CSNK1G1: variants seen among roughly 807,000 people sequenced by gnomAD.
The protein encoded by CSNK1G1 is casein kinase I isoform gamma-1.
A neutral mutation model predicts 59.6 loss-of-function variants in CSNK1G1; 22 were observed. The observed-to-expected ratio is 0.37, with a 90% CI of 0.26 to 0.53. The LOEUF (loss-of-function observed/expected upper bound fraction) is 0.53, where lower values mean the gene tolerates loss of function less well. Ranked by LOEUF, CSNK1G1 falls within the 20% of genes least tolerant of loss-of-function variation. CSNK1G1 has a pLI of 0.89. For synonymous variants in CSNK1G1, 179 were observed against 177.1 expected, an observed-to-expected ratio of 1.01 and a Z score of -0.08; for missense variants, 384 against 519.5, an observed-to-expected ratio of 0.74 and a Z score of 2.54.
chr15:64,278,815 T>C (rs959857537), intron 2 of CSNK1G1, among the ~76,000 whole-genome samples: 7 of 152,224 alleles, frequency 4.6e-5, no homozygotes. Context: ...TAGATCCCAC[T>C]GATGCAACTA....
At chr15:64,274,617 GT>G (rs1893506830) in intron 2 of CSNK1G1, among the ~76,000 whole-genome samples, 2 of 152,174 alleles carry the variant, frequency 1.3e-5, no homozygotes, top group African/African-American at 4.8e-5. Flanking sequence ...TTACACAGTA[GT>G]TTTTGGAGCT....
chr15:64,348,660 A>G (rs1898107551), intron 1 of CSNK1G1, among the ~76,000 whole-genome samples: 1 of 152,154 alleles, frequency 6.6e-6, no homozygotes, highest in African/African-American at 2.4e-5. Context: ...AGTGACCTCT[A>G]GGAAATGGAA....
chr15:64,257,290 G>A (rs549056175), intron 3 of CSNK1G1, among the ~76,000 whole-genome samples: 1 of 152,162 alleles, frequency 6.6e-6, no homozygotes, highest in Admixed American at 6.6e-5. Flanking sequence ...GGTATAACCT[G>A]GCAGAAGAAA....
chr15:64,305,992 T>C (rs1895667089), intron 1 of CSNK1G1, among the ~76,000 whole-genome samples: 1 of 152,022 alleles, frequency 6.6e-6, no homozygotes, highest in African/African-American at 2.4e-5. Flanking sequence ...AAAAATAAAA[T>C]CAAAATGGAT....
At chr15:64,285,306 C>T (rs1894349352) in intron 2 of CSNK1G1, among the ~76,000 whole-genome samples, 1 of 152,030 alleles carries the variant, frequency 6.6e-6, no homozygotes, top group Non-Finnish European at 1.5e-5. Context: ...TATCAAGGTA[C>T]ACACATACCT....
chr15:64,202,598 G>C (rs907475746), intron 10 of CSNK1G1, among the ~76,000 whole-genome samples: 1 of 151,168 alleles, frequency 6.6e-6, no homozygotes, highest in Non-Finnish European at 1.5e-5. Flanking sequence ...ACTCAGGCTG[G>C]AGTGCAAATG....
chr15:64,188,763 G>A lies in CSNK1G1; in HGVS notation c.1108-8309C>T, dbSNP rs2081931291. 6.6e-6 allele frequency among the ~76,000 whole-genome samples: 1 copy of A among 152,112 alleles called. No individual in the cohort carries two copies. The highest frequency in any genetic ancestry group is 6.5e-5 in the Admixed American group (1 of 15,270). On this transcript the variant is annotated intron_variant, in intron 10 of 11. Transcript: ENST00000303052. This position sits in a 1 kb window ranked among gnomAD's most constrained non-coding sequence, Gnocchi z 4.2. ...AGGAGGGAGGGGGAAAAAACACACA[G>A]TCAAAGCTGGGATCATCTTTTAGTT...
chr15:64,217,793 G>A (rs959663709), intron 4 of CSNK1G1, among the ~76,000 whole-genome samples: 1 of 149,834 alleles, frequency 6.7e-6, no homozygotes, highest in African/African-American at 2.5e-5. Context: ...TCCAGCCTGG[G>A]TGACAGAGCG....
intron 4 of CSNK1G1, among the ~76,000 whole-genome samples, chr15:64,246,408 G>A (rs961594300): frequency 6.6e-6 from 1 of 151,984 alleles, no homozygotes; most frequent in African/African-American, 2.4e-5. Flanking sequence ...GATCACCTGG[G>A]GCCAAGAGTT....
chr15:64,332,745 A>C (rs896649769), intron 1 of CSNK1G1, among the ~76,000 whole-genome samples: 6 of 151,946 alleles, frequency 3.9e-5, no homozygotes, highest in Admixed American at 2.6e-4. Flanking sequence ...AAAACAAAAA[A>C]AAAGTAGTTG....
chr15:64,187,125 T>TA (rs1383498490), intron 10 of CSNK1G1, among the ~76,000 whole-genome samples: 1 of 152,030 alleles, frequency 6.6e-6, no homozygotes, highest in African/African-American at 2.4e-5. Flanking sequence ...CTGGCCATCC[T>TA]AGCTAATTTT....
intron 2 of CSNK1G1, among the ~76,000 whole-genome samples, chr15:64,259,643 T>C (rs951684152): frequency 6.6e-6 from 1 of 152,142 alleles, no homozygotes; most frequent in Non-Finnish European, 1.5e-5. Context: ...TTCTTCGAAC[T>C]AACTGGCAAA....
At chr15:64,199,250 CAAAAAAAA>C (rs56819260) in intron 10 of CSNK1G1, among the ~76,000 whole-genome samples, 6 of 52,340 alleles carry the variant, frequency 1.1e-4, no homozygotes, top group South Asian at 6.1e-4. Flanking sequence ...AATCTTTTCT[CAAAAAAAA>C]AAAAAAAAAA....
Position 64,178,503 on chromosome 15 carries a change from G to A in CSNK1G1, c.1214+1845C>T, listed in dbSNP as rs1381895663. ...TTTTCTTTTTTTTTTTTTTTTTTGA[G>A]ATGGAGTCTCGCTCTGTCGCCAGGA... is the stretch of plus-strand genomic sequence containing the variant. On this transcript the variant is annotated intron_variant, in intron 11 of 11. Transcript: ENST00000303052. 6.3e-5 allele frequency among the ~76,000 whole-genome samples: 8 copies of A among 127,032 alleles called. No individual in the cohort carries two copies. The Admixed American group carries it at 6.3e-4, about 10-fold the overall frequency. The allele number at this position is 127,032 out of a possible 152,430, so 83.3% of individuals were successfully genotyped here.
intron 1 of CSNK1G1, among the ~76,000 whole-genome samples, chr15:64,303,979 T>G (rs549799001): frequency 6.6e-6 from 1 of 151,544 alleles, no homozygotes; most frequent in Non-Finnish European, 1.5e-5. Context: ...TAACACCTAC[T>G]TGTAGAACAG....
chr15:64,323,910 C>T (rs1277839258), intron 1 of CSNK1G1, among the ~76,000 whole-genome samples: 1 of 152,186 alleles, frequency 6.6e-6, no homozygotes, highest in East Asian at 1.9e-4. Flanking sequence ...ACAGTAACAA[C>T]TACACCATCT....
At chr15:64,320,068 C>T (rs977339023) in intron 1 of CSNK1G1, among the ~76,000 whole-genome samples, 2 of 151,666 alleles carry the variant, frequency 1.3e-5, no homozygotes, top group African/African-American at 4.8e-5. Flanking sequence ...TGACATCTGG[C>T]TAATTTTTGT....
intron 1 of CSNK1G1, among the ~76,000 whole-genome samples, chr15:64,329,114 A>G (rs1896992277): frequency 6.6e-6 from 1 of 151,516 alleles, no homozygotes; most frequent in Admixed American, 6.6e-5. Flanking sequence ...AGACAGATCA[A>G]CGAGACAGAA....
intron 2 of CSNK1G1, among the ~76,000 whole-genome samples, chr15:64,298,497 T>C (rs1456596826): frequency 6.6e-6 from 1 of 152,192 alleles, no homozygotes; most frequent in African/African-American, 2.4e-5. Context: ...CTTACTCGTA[T>C]TGTAAGTAGC....
Sources: allele counts gnomAD v4.1 joint callset (sites outside exome capture counted in the v4.1 genomes callset), GRCh38; gene constraint gnomAD v4.1.1; non-coding constraint Gnocchi (gnomAD v3.1); transcripts MANE v1.5; gene names NCBI Gene and HGNC (gene_info 2026-07-23, HGNC 2026-07-21).